Variants in PI16 observed in about 807,000 individuals in gnomAD.
PI16 encodes the protein peptidase inhibitor 16, also known as PSP94-binding protein.
In PI16, 35 loss-of-function variants were observed where a neutral mutation model predicts 38.0. The ratio of observed to expected loss-of-function variants is 0.92; its 90% CI spans 0.70 to 1.22. PI16 has a LOEUF of 1.22. Among genes scored for constraint, PI16 ranks in the 50% most tolerant of loss-of-function variants. PI16 has a pLI of 0.00. For synonymous variants in PI16, 275 were observed against 252.9 expected, an observed-to-expected ratio of 1.09 and a Z score of -0.83; for missense variants, 572 against 593.8, an observed-to-expected ratio of 0.96 and a Z score of 0.38.
intron 1 of PI16, 45 bp from the exon 2 acceptor site, chr6:36,959,100 G>A (rs1445605764): frequency 1.3e-6 from 2 of 1,535,454 alleles, no homozygotes; most frequent in South Asian, 1.2e-5. Flanking sequence ...GGTCCCCACA[G>A]CATCTGTGGG....
chr6:36,961,781 C>A, intron 3 of PI16, 105 bp from the exon 4 acceptor site: 3 of 1,074,914 alleles, frequency 2.8e-6, no homozygotes, highest in Non-Finnish European at 4.3e-6. Flanking sequence ...GGCTGGCAGT[C>A]AGGAGACCCA....
chr6:36,963,965 A>G lies in PI16; in HGVS notation c.*18+3A>G. 6.2e-7 allele frequency: 1 copy of G among 1,604,228 alleles called. No homozygotes were observed. The highest frequency in any genetic ancestry group is 2.2e-5 in the East Asian group (1 of 44,862). On this transcript the variant is annotated splice_donor_region_variant and intron_variant, in intron 6 of 6. Coordinates refer to ENST00000373674, the MANE Select transcript of PI16 (RefSeq NM_153370.3). Reference sequence around the variant, plus strand: ...TCTGAAGGGGATACCACTCAAAGGCAAGGCCTGGTGAGGGGGGCCCTGGCC... The same window carrying G: ...TCTGAAGGGGATACCACTCAAAGGCGAGGCCTGGTGAGGGGGGCCCTGGCC...
chr6:36,959,138 C>T lies in PI16; in HGVS notation c.172-7C>T. 1 of 1,603,658 alleles carries T rather than the reference C, an allele frequency of 6.2e-7. No homozygotes were observed. Among genetic ancestry groups the T allele is most frequent in the Non-Finnish European group, 8.5e-7 (1 of 1,176,012 alleles). The stretch of plus-strand genomic sequence containing the variant: ...TCCTCACCTCCCTTCTCTCACCTGC[C>T]CTGCAGAGATGGGACGAGGAGCTGG... On this transcript the variant is annotated splice_polypyrimidine_tract_variant and splice_region_variant and intron_variant, in intron 1 of 6. Transcript: ENST00000373674.
Position 36,962,006 on chromosome 6 carries a change from G to A in PI16, c.592+32G>A, listed in dbSNP as rs755402468. ...CCACGGGTGGATGGGTAGGGGCAGG[G>A]GGTGTGGAAATGATGCGATGCAGAC... On this transcript the variant is annotated intron_variant, in intron 4 of 6. Transcript: ENST00000373674. The surrounding 1 kb of genome is among the most constrained non-coding windows in gnomAD (Gnocchi z 4.1). 1 of 1,571,382 alleles carries A rather than the reference G, an allele frequency of 6.4e-7. No homozygotes were observed. The highest frequency in any genetic ancestry group is 8.8e-7 in the Non-Finnish European group (1 of 1,141,180).
Position 36,962,693 on chromosome 6 carries a change from G to A in PI16, c.593-242G>A, listed in dbSNP as rs1293934119. 1.3e-5 allele frequency among the ~76,000 whole-genome samples: 2 copies of A among 152,060 alleles called. No individual in the cohort carries two copies. Among genetic ancestry groups the A allele is most frequent in the African/African-American group, 4.8e-5 (2 of 41,406 alleles). Reference sequence around the variant, plus strand: ...TCTCCATGTTGGTCAGGTTGGTCTCGAACTCCTGACCTCAGGTGATCCACC... The same window carrying A: ...TCTCCATGTTGGTCAGGTTGGTCTCAAACTCCTGACCTCAGGTGATCCACC... On this transcript the variant is annotated intron_variant, in intron 4 of 6. Transcript: ENST00000373674. The surrounding 1 kb of genome is among the most constrained non-coding windows in gnomAD (Gnocchi z 4.1).
chr6:36,959,491 T>TGGAGTGAAG, intron 2 of PI16, 125 bp downstream of exon 2: 1 of 930,902 alleles, frequency 1.1e-6, no homozygotes, highest in Non-Finnish European at 1.6e-6. Flanking sequence ...TAGGCGGGCT[T>TGGAGTGAAG]CACTCCAAGC....
At position 36,961,090 on chromosome 6, in the gene PI16, C is replaced by T. The variant is rs557160548; in HGVS notation, c.394-361C>T. On this transcript the variant is annotated intron_variant, in intron 2 of 6. Coordinates refer to ENST00000373674, the MANE Select transcript of PI16 (RefSeq NM_153370.3). ...AAAATTCTACCATTTGAGATTCTTT[C>T]GTTTGGATATATCCTTCACTTAAAA... Among the ~76,000 whole-genome samples, 89 of 152,222 alleles carry T rather than the reference C, an allele frequency of 5.8e-4. 1 individual carries two copies. Among genetic ancestry groups the T allele is most frequent in the African/African-American group, 2.0e-3 (82 of 41,526 alleles).
chr6:36,959,505 C>G (rs1160007168), intron 2 of PI16, 139 bp downstream of exon 2: 1 of 824,498 alleles, frequency 1.2e-6, no homozygotes, highest in Non-Finnish European at 1.8e-6. Context: ...TCCAAGCCCC[C>G]TCAGACACTT....
At chr6:36,958,147 T>A (rs1763254022) in intron 1 of PI16, among the ~76,000 whole-genome samples, 1 of 152,072 alleles carries the variant, frequency 6.6e-6, no homozygotes, top group Non-Finnish European at 1.5e-5. Context: ...CCACCTCCCC[T>A]CAGGGTCACC....
At chr6:36,961,427 G>T in intron 2 of PI16, 24 bp from the exon 3 acceptor site, 1 of 1,604,404 alleles carries the variant, frequency 6.2e-7, no homozygotes, top group Non-Finnish European at 8.5e-7. Context: ...ATGGGGCTGA[G>T]CTGCTAGGTT....
upstream of PI16, among the ~76,000 whole-genome samples, chr6:36,950,635 C>G (rs1169496531): frequency 6.6e-6 from 1 of 152,018 alleles, no homozygotes; most frequent in African/African-American, 2.4e-5. The surrounding 1 kb of genome is among the most constrained non-coding windows in gnomAD (Gnocchi z 4.2). Context: ...CCTCCACTTC[C>G]TGGGTTCAAG....
chr6:36,961,755 C>G, intron 3 of PI16, 131 bp from the exon 4 acceptor site: 1 of 940,792 alleles, frequency 1.1e-6, no homozygotes, highest in Admixed American at 2.0e-5. Context: ...AGCCCAAGTT[C>G]GCCCAGCAAG....
chr6:36,955,039 C>T (rs1480397981), intron 1 of PI16, 108 bp downstream of exon 1: 2 of 1,436,512 alleles, frequency 1.4e-6, no homozygotes, highest in Admixed American at 2.8e-5. Context: ...TTCAGAATTC[C>T]TCTCCTTTTT....
At chr6:36,956,926 C>T (rs569447131) in intron 1 of PI16, among the ~76,000 whole-genome samples, 6 of 152,284 alleles carry the variant, frequency 3.9e-5, no homozygotes, top group South Asian at 4.1e-4. Flanking sequence ...TTTGCCACCC[C>T]GAAGGTTCAA....
intron 1 of PI16, among the ~76,000 whole-genome samples, chr6:36,957,231 C>G (rs1312662760): frequency 6.6e-6 from 1 of 152,186 alleles, no homozygotes; most frequent in African/African-American, 2.4e-5. Flanking sequence ...CCCGCTTGCC[C>G]TTTATTCTTC....
chr6:36,949,467 C>G (rs1763066405), intron 1 of PI16, among the ~76,000 whole-genome samples: 1 of 152,190 alleles, frequency 6.6e-6, no homozygotes, highest in African/African-American at 2.4e-5. Flanking sequence ...GTCAGGAACT[C>G]ACTGAGTTCT....
At chr6:36,963,688 G>C in intron 5 of PI16, 76 bp downstream of exon 5, 1 of 1,562,412 alleles carries the variant, frequency 6.4e-7, no homozygotes, top group South Asian at 1.2e-5. Context: ...TAGGTGGTAT[G>C]AGCATGGTGG....
chr6:36,956,719 A>G (rs947962347), intron 1 of PI16, among the ~76,000 whole-genome samples: 1 of 152,220 alleles, frequency 6.6e-6, no homozygotes, highest in African/African-American at 2.4e-5. Context: ...CAGTGGGATA[A>G]TTCCCTTGTA....
rs146645609 is a variant in PI16 at position 36,963,191 on chromosome 6, C to G, written c.849C>G (p.Cys283Trp). Reference sequence around the variant, plus strand: ...CCATGGCAACAGAGGCTCCACCTTGCGTAACAACTGAGGTCCCTTCCATTT... The same window carrying G: ...CCATGGCAACAGAGGCTCCACCTTGGGTAACAACTGAGGTCCCTTCCATTT... ...PPSMATEAPP[C>W]VTTEVPSILA... The change falls in exon 5 of 7, where the codon TGC (cysteine) becomes TGG (tryptophan). Residue 283 changes from cysteine (C) to tryptophan (W), a missense_variant. Physicochemically the swap from Cys to Trp is radical, Grantham distance 215. Coordinates refer to ENST00000373674, the MANE Select transcript of PI16 (RefSeq NM_153370.3). The G allele has an allele frequency of 3.7e-6, 6 of 1,614,236 alleles. No individual in the cohort carries two copies. The South Asian group carries it at 4.4e-5, about 12-fold the overall frequency.
Sources: allele counts gnomAD v4.1 joint callset (sites outside exome capture counted in the v4.1 genomes callset), GRCh38; gene constraint gnomAD v4.1.1; non-coding constraint Gnocchi (gnomAD v3.1); transcripts MANE v1.5; gene names NCBI Gene and HGNC (gene_info 2026-07-23, HGNC 2026-07-21).